The following HOMER1 variants were observed in gnomAD, a reference collection of about 807,000 sequenced individuals.
HOMER1 encodes homer scaffold protein 1.
Under a neutral mutation model 48.9 loss-of-function variants are expected in HOMER1, and 3 were observed. That is an observed-to-expected ratio of 0.06 (90% CI 0.03 to 0.16). The LOEUF is 0.16. HOMER1 is among the 10% of genes least tolerant of loss of function. The pLI is 1.00. For synonymous variants in HOMER1, 134 were observed against 146.4 expected (o/e 0.92, Z 0.61); for missense variants, 247 against 411.4 (o/e 0.60, Z 3.46).
At chr5:79,385,889 C>T (rs1043667436) in intron 8 of HOMER1, among the ~76,000 whole-genome samples, 9 of 132,868 alleles carry the variant, frequency 6.8e-5, no homozygotes, top group Non-Finnish European at 1.3e-4. Flanking sequence ...ACTGCAATTA[C>T]AATGGCTATT....
chr5:79,492,171 T>G (rs1752295680), intron 1 of HOMER1, among the ~76,000 whole-genome samples: 1 of 152,220 alleles, frequency 6.6e-6, no homozygotes, highest in South Asian at 2.1e-4. Context: ...GAGGCCTCTT[T>G]TAACTACTTC....
chr5:79,479,326 G>A (rs1751881356), intron 1 of HOMER1, among the ~76,000 whole-genome samples: 1 of 152,164 alleles, frequency 6.6e-6, no homozygotes, highest in African/African-American at 2.4e-5. Context: ...TTGGCAAAAG[G>A]GATTTTGCAG....
chr5:79,399,413 G>A (rs772209533), intron 6 of HOMER1, among the ~76,000 whole-genome samples: 5 of 152,170 alleles, frequency 3.3e-5, no homozygotes, highest in African/African-American at 4.8e-5. Context: ...ACTAAACTGC[G>A]ATGGTGCTCA....
chr5:79,411,357 T>C (rs778723490), intron 5 of HOMER1, among the ~76,000 whole-genome samples: 7 of 151,940 alleles, frequency 4.6e-5, no homozygotes, highest in Non-Finnish European at 4.4e-5. Context: ...TGGTGGCATA[T>C]GCCTATAGTC....
In HOMER1 at chr5:79,373,533, A is replaced by G. The variant is rs1580405489; in HGVS notation, c.*2476T>C. ...CAAATTTTAATATGCAAATGTTTAT[A>G]TAATACAGAAATGGAAAAAACTACA... On this transcript the variant is annotated 3_prime_UTR_variant, in exon 9 of 9. Coordinates refer to ENST00000334082, the MANE Select transcript of HOMER1 (RefSeq NM_004272.5). 3 of 151,866 alleles carry G rather than the reference A, an allele frequency of 2.0e-5. No individual in the cohort carries two copies. In the East Asian group the frequency reaches 5.8e-4, roughly 29 times the overall value. 9.4% of individuals were successfully genotyped at this position (151,866 alleles called of 1,614,324 possible). A position where few individuals can be genotyped will look rare whatever the true frequency, so the allele number is the denominator to read the frequency against.
intron 1 of HOMER1, among the ~76,000 whole-genome samples, chr5:79,457,756 G>T (rs1403447622): frequency 1.3e-5 from 2 of 152,142 alleles, no homozygotes; most frequent in Non-Finnish European, 2.9e-5. Flanking sequence ...ACATGACACA[G>T]TATTTTTCCC....
chr5:79,504,445 A>G (rs925640281), intron 1 of HOMER1, among the ~76,000 whole-genome samples: 1 of 151,480 alleles, frequency 6.6e-6, no homozygotes, highest in Non-Finnish European at 1.5e-5. Context: ...AGGTAAAGGG[A>G]TAGGCTAAGC....
chr5:79,420,279 G>A (rs538398202), intron 5 of HOMER1, among the ~76,000 whole-genome samples: 9 of 152,162 alleles, frequency 5.9e-5, no homozygotes, highest in Non-Finnish European at 1.0e-4. Context: ...TTCCATCCCA[G>A]TCTTTATAGA....
rs1042047962 is a variant in HOMER1, at chr5:79,387,533, A to G, written c.876+9290T>C. 5.9e-5 allele frequency among the ~76,000 whole-genome samples: 9 copies of G among 152,340 alleles called. 1 individual carries two copies. The East Asian group carries it at 1.5e-3, about 26-fold the overall frequency. On this transcript the variant is annotated intron_variant, in intron 8 of 8. Coordinates refer to ENST00000334082, the MANE Select transcript of HOMER1 (RefSeq NM_004272.5). ...TATGAATAAGATGTATTATTGCCCTATAAGACTGTTACCTTCTATATAATA... is the reference window on the plus strand; with the variant it reads ...TATGAATAAGATGTATTATTGCCCTGTAAGACTGTTACCTTCTATATAATA...
intron 1 of HOMER1, among the ~76,000 whole-genome samples, chr5:79,459,844 G>A (rs1048137213): frequency 4.6e-5 from 7 of 152,160 alleles, no homozygotes; most frequent in East Asian, 1.9e-4. Context: ...ACAGTGGGAG[G>A]AGGGCTAAGT....
At chr5:79,482,957 C>T in intron 1 of HOMER1, among the ~76,000 whole-genome samples, 1 of 152,074 alleles carries the variant, frequency 6.6e-6, no homozygotes, top group Non-Finnish European at 1.5e-5. Flanking sequence ...GAGCCGTGAT[C>T]ATGCCACTGC....
chr5:79,478,116 G>C (rs1167444863), intron 1 of HOMER1, among the ~76,000 whole-genome samples: 1 of 152,106 alleles, frequency 6.6e-6, no homozygotes. Context: ...AAAGAGTCAG[G>C]ATTAGAAACC....
intron 1 of HOMER1, among the ~76,000 whole-genome samples, chr5:79,503,872 G>A (rs1752676289): frequency 6.6e-6 from 1 of 152,186 alleles, no homozygotes; most frequent in Non-Finnish European, 1.5e-5. Context: ...GGTTGGTCTT[G>A]CTGTCTCAGG....
intron 3 of HOMER1, among the ~76,000 whole-genome samples, chr5:79,450,220 T>C (rs1157136236): frequency 6.6e-6 from 1 of 152,234 alleles, no homozygotes; most frequent in Non-Finnish European, 1.5e-5. Context: ...TAAGAATAAA[T>C]CTTTAGGTCT....
At chr5:79,426,561 T>G (rs1750262628) in intron 5 of HOMER1, among the ~76,000 whole-genome samples, 1 of 152,086 alleles carries the variant, frequency 6.6e-6, no homozygotes, top group Admixed American at 6.6e-5. Flanking sequence ...AGACAAATGT[T>G]GCATATTCTT....
intron 4 of HOMER1, among the ~76,000 whole-genome samples, chr5:79,445,997 C>T (rs1750867170): frequency 6.6e-6 from 1 of 152,204 alleles, no homozygotes; most frequent in African/African-American, 2.4e-5. Context: ...TGTATTTTAA[C>T]TTTATGTATA....
At chr5:79,421,267 T>A (rs1750089524) in intron 5 of HOMER1, among the ~76,000 whole-genome samples, 1 of 152,256 alleles carries the variant, frequency 6.6e-6, no homozygotes, top group South Asian at 2.1e-4. Flanking sequence ...AAGGTTGAGA[T>A]ACCCTTACAT....
intron 1 of HOMER1, among the ~76,000 whole-genome samples, chr5:79,504,374 A>G (rs1054476870): frequency 6.6e-6 from 1 of 151,158 alleles, no homozygotes; most frequent in Admixed American, 6.6e-5. Context: ...ATAACAGAGT[A>G]AGAAAGAAAA....
At chr5:79,425,122 G>A (rs1322994100) in intron 5 of HOMER1, among the ~76,000 whole-genome samples, 1 of 151,808 alleles carries the variant, frequency 6.6e-6, no homozygotes, top group Non-Finnish European at 1.5e-5. Context: ...GGGACTATTT[G>A]CATCTTGTCA....
Sources: gnomAD v4.1 joint callset for allele counts (sites outside exome capture counted in the v4.1 genomes callset) on GRCh38, gnomAD v4.1.1 for gene constraint, MANE v1.5 for transcripts, NCBI Gene and HGNC (gene_info 2026-07-23, HGNC 2026-07-21) for gene names.